TGM4: variants seen among roughly 807,000 people sequenced by gnomAD.
TGM4 encodes the protein transglutaminase 4.
TGM4 carries 61 observed loss-of-function variants against 76.3 expected under a neutral mutation model. The ratio of observed to expected loss-of-function variants is 0.80; its 90% CI spans 0.65 to 0.99. TGM4 has a LOEUF of 0.99. Ranked by LOEUF, TGM4 falls within the 50% of genes least tolerant of loss-of-function variation. TGM4 has a pLI of 0.00. For synonymous variants in TGM4, 337 were observed against 329.8 expected (o/e 1.02, Z -0.24); for missense variants, 794 against 843.2 (o/e 0.94, Z 0.72).
At chr3:44,881,643 A>G (rs1373267314) in intron 1 of TGM4, among the ~76,000 whole-genome samples, 1 of 152,208 alleles carries the variant, frequency 6.6e-6, no homozygotes, top group Non-Finnish European at 1.5e-5. Flanking sequence ...ACTCAAAAAT[A>G]TACATACAGA....
At chr3:44,900,063 C>G (rs917788334) in intron 6 of TGM4, among the ~76,000 whole-genome samples, 2 of 152,180 alleles carry the variant, frequency 1.3e-5, no homozygotes, top group African/African-American at 4.8e-5. Context: ...CAGAAATGTG[C>G]TTTGTTCCGC....
intron 5 of TGM4, among the ~76,000 whole-genome samples, chr3:44,895,243 C>A (rs1322775113): frequency 6.6e-6 from 1 of 151,994 alleles, no homozygotes; most frequent in Non-Finnish European, 1.5e-5. Context: ...TGCAGTGAGC[C>A]GAGATGGCGC....
intron 10 of TGM4, among the ~76,000 whole-genome samples, chr3:44,909,750 T>C (rs1175603768): frequency 6.6e-6 from 1 of 152,212 alleles, no homozygotes; most frequent in Non-Finnish European, 1.5e-5. Context: ...GATTGTGCTG[T>C]TTTTCTTGAA....
At chr3:44,893,945 ACCCCCCACAGC>A (rs1699740334) in intron 5 of TGM4, among the ~76,000 whole-genome samples, 8 of 49,694 alleles carry the variant, frequency 1.6e-4, no homozygotes, top group Admixed American at 4.4e-4. Flanking sequence ...GCTCTCTCCC[ACCCCCCACAGC>A]TCTCTCCTAC....
chr3:44,901,383 C>T (rs1575723270), intron 6 of TGM4, 141 bp from the exon 7 acceptor site: 1 of 1,014,136 alleles, frequency 9.9e-7, no homozygotes, highest in Non-Finnish European at 1.4e-6. Context: ...GGCACCCCAC[C>T]TGTTCTGGAA....
At chr3:44,895,248 T>A (rs1699764300) in intron 5 of TGM4, among the ~76,000 whole-genome samples, 1 of 152,132 alleles carries the variant, frequency 6.6e-6, no homozygotes, top group African/African-American at 2.4e-5. Flanking sequence ...TGAGCCGAGA[T>A]GGCGCCACTG....
chr3:44,903,834 A>G, intron 8 of TGM4, 50 bp from the exon 9 acceptor site: 1 of 1,545,384 alleles, frequency 6.5e-7, no homozygotes, highest in Non-Finnish European at 8.9e-7. Context: ...TTTATCTCTA[A>G]CTAGGTTTGG....
At chr3:44,898,723 G>A (rs1395496139) in intron 6 of TGM4, among the ~76,000 whole-genome samples, 1 of 152,202 alleles carries the variant, frequency 6.6e-6, no homozygotes, top group Non-Finnish European at 1.5e-5. Flanking sequence ...GCCTGTGTCT[G>A]TTGCACGTGG....
At chr3:44,886,392 A>G (rs1252974555) in intron 2 of TGM4, among the ~76,000 whole-genome samples, 1 of 152,180 alleles carries the variant, frequency 6.6e-6, no homozygotes, top group Non-Finnish European at 1.5e-5. Flanking sequence ...ATACAATAGC[A>G]CTTCCTGGGA....
Position 44,913,964 on chromosome 3 carries a change from T to C in TGM4, c.*239T>C. ...AGCCGAGGCCACAGAATCCCATCCC[T>C]TTCCTGAGTCATGGCCTCAAAAATC... On this transcript the variant is annotated 3_prime_UTR_variant, in exon 14 of 14. Coordinates refer to ENST00000296125, the MANE Select transcript of TGM4 (RefSeq NM_003241.4). 1 of 439,320 alleles carries C rather than the reference T, an allele frequency of 2.3e-6. No homozygotes were observed. The highest frequency in any genetic ancestry group is 4.0e-6 in the Non-Finnish European group (1 of 250,918). The allele number at this position is 439,320 out of a possible 1,614,324, so 27.2% of individuals were successfully genotyped here.
rs1421984398 is a variant in TGM4 at position 44,874,705 on chromosome 3, G to A, written c.19+8G>A. The A allele has an allele frequency of 4.3e-6, 7 of 1,614,180 alleles. No individual in the cohort carries two copies. Among genetic ancestry groups the A allele is most frequent in the Non-Finnish European group, 5.9e-6 (7 of 1,180,024 alleles). ...TGATGGATGCATCAAAAGGTGAGTG[G>A]GTGAAATCTCCATGGAGCCCCACAT... On this transcript the variant is annotated splice_region_variant and intron_variant, in intron 1 of 13. Transcript: ENST00000296125.
chr3:44,886,615 T>G (rs1489625217), intron 2 of TGM4, among the ~76,000 whole-genome samples: 1 of 152,234 alleles, frequency 6.6e-6, no homozygotes, highest in Non-Finnish European at 1.5e-5. Context: ...TGGGTCCATG[T>G]GCATTCCCTC....
intron 11 of TGM4, among the ~76,000 whole-genome samples, chr3:44,910,729 G>A (rs1307532459): frequency 6.6e-6 from 1 of 152,220 alleles, no homozygotes; most frequent in Non-Finnish European, 1.5e-5. Context: ...ATGTCCTGAT[G>A]ACAACGGGTA....
chr3:44,896,253 AG>A (rs1455605984), intron 5 of TGM4, among the ~76,000 whole-genome samples: 1 of 152,168 alleles, frequency 6.6e-6, no homozygotes, highest in Admixed American at 6.5e-5. Flanking sequence ...CTGGGATTAC[AG>A]GCATGCACCA....
chr3:44,878,886 C>T (rs1699488258), intron 1 of TGM4, among the ~76,000 whole-genome samples: 2 of 152,116 alleles, frequency 1.3e-5, no homozygotes, highest in Non-Finnish European at 2.9e-5. Flanking sequence ...GCTGCTGCTC[C>T]CCATTCTTGA....
intron 1 of TGM4, among the ~76,000 whole-genome samples, chr3:44,878,887 C>T (rs1056306401): frequency 2.6e-5 from 4 of 152,118 alleles, no homozygotes; most frequent in African/African-American, 7.2e-5. Flanking sequence ...CTGCTGCTCC[C>T]CATTCTTGAT....
chr3:44,875,117 C>T (rs896854348), intron 1 of TGM4, among the ~76,000 whole-genome samples: 21 of 152,258 alleles, frequency 1.4e-4, no homozygotes, highest in East Asian at 1.2e-3. Context: ...CATTCTCTTA[C>T]GTAACCAATA....
chr3:44,889,553 A>G (rs553763115), intron 3 of TGM4, among the ~76,000 whole-genome samples: 2 of 152,290 alleles, frequency 1.3e-5, no homozygotes, highest in Middle Eastern at 3.4e-3. Flanking sequence ...CTGAGAGCCT[A>G]TTGCTCCTAT....
chr3:44,905,153 T>A (rs1575725682), intron 9 of TGM4, among the ~76,000 whole-genome samples: 1 of 152,032 alleles, frequency 6.6e-6, no homozygotes, highest in East Asian at 1.9e-4. Flanking sequence ...CCTGACTAAT[T>A]TTTTGTATTT....
Sources: gnomAD v4.1 joint callset for allele counts (sites outside exome capture counted in the v4.1 genomes callset) on GRCh38, gnomAD v4.1.1 for gene constraint, MANE v1.5 for transcripts, NCBI Gene and HGNC (gene_info 2026-07-23, HGNC 2026-07-21) for gene names.